Variants in SLC38A9 observed in about 807,000 individuals in gnomAD.
SLC38A9 encodes the protein solute carrier family 38 member 9.
Under a neutral mutation model 62.3 loss-of-function variants are expected in SLC38A9, and 48 were observed. The observed-to-expected ratio is 0.77, with a 90% confidence interval of 0.61 to 0.98. SLC38A9 has a LOEUF of 0.98. SLC38A9 is among the 50% of genes least tolerant of loss of function. SLC38A9 has a pLI of 0.00. For synonymous variants in SLC38A9, 204 were observed against 227.7 expected (o/e 0.90, Z 0.94); for missense variants, 541 against 679.8 (o/e 0.80, Z 2.27).
intron 8 of SLC38A9, among the ~76,000 whole-genome samples, chr5:55,663,296 C>CAAAA (rs555065009): frequency 5.4e-5 from 5 of 93,120 alleles, no homozygotes; most frequent in African/African-American, 9.4e-5. Context: ...TCTGTCTCTA[C>CAAAA]AAAAAAAAAA....
In SLC38A9 at chr5:55,674,570, C is replaced by A. The variant is rs558013429; in HGVS notation, c.114-1875G>T. Among the ~76,000 whole-genome samples the A allele has an allele frequency of 1.4e-4, 22 of 152,278 alleles. No individual in the cohort carries two copies. The South Asian group carries it at 2.3e-3, about 16-fold the overall frequency. On this transcript the variant is annotated intron_variant, in intron 3 of 15. Transcript: ENST00000396865. ...TGTTGTGATAAGCAAGAAGTCCCTC[C>A]CTACATGTGGGCCCTTTGACCTTGG...
At chr5:55,652,799 G>T in intron 9 of SLC38A9, 76 bp from the exon 10 acceptor site, 1 of 1,248,904 alleles carries the variant, frequency 8.0e-7, no homozygotes, top group Non-Finnish European at 1.1e-6. Flanking sequence ...GAAAATGACT[G>T]CCTCTAGAGA....
At chr5:55,651,104 C>T (rs1747331745) in intron 10 of SLC38A9, among the ~76,000 whole-genome samples, 1 of 151,554 alleles carries the variant, frequency 6.6e-6, no homozygotes, top group Non-Finnish European at 1.5e-5. Flanking sequence ...CTATTTTATG[C>T]TCTAGACTGC....
chr5:55,684,359 A>G (rs908564331), intron 3 of SLC38A9, among the ~76,000 whole-genome samples: 1 of 152,214 alleles, frequency 6.6e-6, no homozygotes, highest in South Asian at 2.1e-4. Context: ...CTTGAAACCT[A>G]AAGTATTTTC....
At position 55,635,674 on chromosome 5, in the gene SLC38A9, A is replaced by G. The variant is rs1312951119; in HGVS notation, c.1168-17T>C. The G allele has an allele frequency of 3.9e-6, 6 of 1,530,140 alleles. No homozygotes were observed. Among genetic ancestry groups the G allele is most frequent in the Non-Finnish European group, 5.4e-6 (6 of 1,104,150 alleles). The allele number at this position is 1,530,140 out of a possible 1,614,324, so 94.8% of individuals were successfully genotyped here. On this transcript the variant is annotated splice_polypyrimidine_tract_variant and intron_variant, in intron 12 of 15. Transcript: ENST00000396865. ...GTCCCTCACCTGTAAATACAGAACAAAAGTCCCATAATACTGAAGAACCTT... is the reference window on the plus strand; with the variant it reads ...GTCCCTCACCTGTAAATACAGAACAGAAGTCCCATAATACTGAAGAACCTT...
Position 55,638,355 on chromosome 5 carries a change from T to G in SLC38A9, c.1168-2698A>C, listed in dbSNP as rs1288978996. On this transcript the variant is annotated intron_variant, in intron 12 of 15. Transcript: ENST00000396865. ...TTAATGGAACAGGATAGAAAAAAGC[T>G]ATTATTTAGAAAACGAGGCTCAAAG... Among the ~76,000 whole-genome samples the G allele has an allele frequency of 3.9e-5, 6 of 152,272 alleles. No homozygotes were observed. The East Asian group carries it at 1.2e-3, about 29-fold the overall frequency.
chr5:55,633,624 T>A, intron 14 of SLC38A9, 130 bp downstream of exon 14: 16 of 1,197,906 alleles, frequency 1.3e-5, no homozygotes, highest in East Asian at 1.1e-4. Flanking sequence ...AGGACACCAA[T>A]GATCTATCTT....
At chr5:55,626,779 A>G in intron 15 of SLC38A9, 120 bp from the exon 16 acceptor site, 2 of 880,668 alleles carry the variant, frequency 2.3e-6, no homozygotes, top group African/African-American at 1.7e-5. Context: ...ATTATTTTTG[A>G]TTCATTTGTT....
At position 55,705,451 on chromosome 5, in the gene SLC38A9, AGAAAGAAAGAAAG is replaced by A. The variant is rs1219703084; in HGVS notation, c.-35+5988_-35+6000del. 3.4e-5 allele frequency among the ~76,000 whole-genome samples: 5 copies of A among 147,860 alleles called. No homozygotes were observed. In the East Asian group the frequency reaches 5.8e-4, roughly 17 times the overall value. ...TACCTTCATATTACAAAAAAAAAAA[AGAAAGAAAGAAAG>A]AAAAAGAAAGAAATTAATTGAAGCT... is the stretch of plus-strand genomic sequence containing the variant. On this transcript the variant is annotated intron_variant, in intron 2 of 15. Coordinates refer to ENST00000396865, the MANE Select transcript of SLC38A9 (RefSeq NM_173514.4).
chr5:55,654,511 G>A (rs916940961), intron 9 of SLC38A9, among the ~76,000 whole-genome samples: 1 of 151,934 alleles, frequency 6.6e-6, no homozygotes, highest in South Asian at 2.1e-4. Context: ...AGGTGGAGGT[G>A]GGAGGATTGC....
intron 10 of SLC38A9, among the ~76,000 whole-genome samples, chr5:55,651,967 A>C (rs1747557414): frequency 1.1e-5 from 1 of 92,620 alleles, no homozygotes; most frequent in South Asian, 4.4e-4. Flanking sequence ...TCTCAAAAAA[A>C]AAAAACACAC....
intron 8 of SLC38A9, among the ~76,000 whole-genome samples, chr5:55,658,537 T>G (rs574539565): frequency 6.6e-6 from 1 of 152,180 alleles, no homozygotes; most frequent in Non-Finnish European, 1.5e-5. Flanking sequence ...ACTGGAGTGA[T>G]GTACCTACTT....
chr5:55,630,847 C>T (rs1743311804), intron 14 of SLC38A9, among the ~76,000 whole-genome samples: 1 of 152,008 alleles, frequency 6.6e-6, no homozygotes, highest in Non-Finnish European at 1.5e-5. Flanking sequence ...ATTAAAAATA[C>T]TTTGCTGGGC....
intron 14 of SLC38A9, among the ~76,000 whole-genome samples, chr5:55,630,806 A>G (rs1327466429): frequency 6.6e-6 from 1 of 152,168 alleles, no homozygotes; most frequent in Non-Finnish European, 1.5e-5. Flanking sequence ...TTATGTTAAC[A>G]AGTAATGGTT....
At chr5:55,650,694 C>T (rs1347774222) in intron 10 of SLC38A9, among the ~76,000 whole-genome samples, 1 of 152,198 alleles carries the variant, frequency 6.6e-6, no homozygotes, top group Non-Finnish European at 1.5e-5. Flanking sequence ...GAATCCTGTT[C>T]CTGAGGCAGA....
rs1754311722 is a variant in SLC38A9, at chr5:55,688,676, G to A, written c.113+9170C>T. ...ATTACAGGGGTGAGCCACTGCGCCC[G>A]GCCCTAGGGCATGACCTCTTTAAGC... On this transcript the variant is annotated intron_variant, in intron 3 of 15. Coordinates refer to ENST00000396865, the MANE Select transcript of SLC38A9 (RefSeq NM_173514.4). Among the ~76,000 whole-genome samples, 2 of 150,250 alleles carry A rather than the reference G, an allele frequency of 1.3e-5. 1 individual carries two copies. The highest frequency in any genetic ancestry group is 4.3e-4 in the South Asian group (2 of 4,648).
chr5:55,654,008 TCAGA>T (rs1358071904), intron 9 of SLC38A9, among the ~76,000 whole-genome samples: 1 of 141,968 alleles, frequency 7.0e-6, no homozygotes, highest in Non-Finnish European at 1.6e-5. Context: ...TCTTCTGTTA[TCAGA>T]CAGAGTACCA....
At chr5:55,636,306 G>A (rs1400396980) in intron 12 of SLC38A9, among the ~76,000 whole-genome samples, 1 of 152,144 alleles carries the variant, frequency 6.6e-6, no homozygotes, top group African/African-American at 2.4e-5. Flanking sequence ...ATTAAATAAA[G>A]CGGACTGCTT....
chr5:55,679,846 G>T (rs1315290941), intron 3 of SLC38A9, among the ~76,000 whole-genome samples: 2 of 152,186 alleles, frequency 1.3e-5, no homozygotes, highest in African/African-American at 4.8e-5. Context: ...AAGTGGGAAA[G>T]TTTTCCAAGC....
Sources: gnomAD v4.1 joint callset for allele counts (sites outside exome capture counted in the v4.1 genomes callset) on GRCh38, gnomAD v4.1.1 for gene constraint, MANE v1.5 for transcripts, NCBI Gene and HGNC (gene_info 2026-07-23, HGNC 2026-07-21) for gene names.